Variants in DYSF observed in about 807,000 individuals in gnomAD.
DYSF encodes dysferlin.
Under a neutral mutation model 274.9 loss-of-function variants are expected in DYSF, and 212 were observed. That is an observed-to-expected ratio of 0.77 (90% CI 0.69 to 0.86). DYSF has a LOEUF of 0.86. Ranked by LOEUF, DYSF falls within the 40% of genes least tolerant of loss-of-function variation. The pLI, the probability that DYSF is intolerant of heterozygous loss-of-function variation, is 0.00. For synonymous variants in DYSF, 1,091 were observed against 1,078.7 expected, an observed-to-expected ratio of 1.01 and a Z score of -0.22; for missense variants, 2,666 against 2,783.2, an observed-to-expected ratio of 0.96 and a Z score of 0.95.
At chr2:71,462,281 C>T (rs2152633936), upstream of DYSF, among the ~76,000 whole-genome samples, 1 of 152,282 alleles carries the variant, frequency 6.6e-6, no homozygotes, top group South Asian at 2.1e-4. Flanking sequence ...GGTACAGGCA[C>T]TGGCTCTGTG....
rs11903960 is a variant in DYSF at position 71,516,246 on chromosome 2, T to C, written c.951+4T>C. The C allele has an allele frequency of 0.09, 144,559 of 1,613,410 alleles. 6,944 individuals are homozygous for C. The highest frequency in any genetic ancestry group is 0.13 in the African/African-American group (9,380 of 74,998). On this transcript the variant is annotated splice_donor_region_variant and intron_variant, in intron 9 of 55. Coordinates refer to ENST00000410020, the MANE Select transcript of DYSF (RefSeq NM_001130987.2). ...TGATGAGCCCATCTTTATCACGGTATGTCTCAGCAGTCAAAGTGTTCTCCG... is the reference window on the plus strand; with the variant it reads ...TGATGAGCCCATCTTTATCACGGTACGTCTCAGCAGTCAAAGTGTTCTCCG...
chr2:71,622,954 A>G (rs1235152564), intron 41 of DYSF, among the ~76,000 whole-genome samples: 3 of 152,220 alleles, frequency 2.0e-5, no homozygotes, highest in African/African-American at 7.2e-5. Flanking sequence ...TAGTCATGGA[A>G]GTTTAATTCT....
At chr2:71,514,845 C>A (rs777088249) in intron 7 of DYSF, among the ~76,000 whole-genome samples, 8 of 152,008 alleles carry the variant, frequency 5.3e-5, no homozygotes, top group Admixed American at 2.6e-4. Flanking sequence ...CCTTTGTTCT[C>A]TTTATGGAAA....
intron 3 of DYSF, among the ~76,000 whole-genome samples, chr2:71,500,910 C>T (rs1442493110): frequency 2.6e-5 from 4 of 152,048 alleles, no homozygotes; most frequent in Non-Finnish European, 2.9e-5. Context: ...CTCTGCCACC[C>T]CAGTTTTCTC....
At chr2:71,461,795 G>A (rs2081294372), upstream of DYSF, among the ~76,000 whole-genome samples, 1 of 152,194 alleles carries the variant, frequency 6.6e-6, no homozygotes, top group Non-Finnish European at 1.5e-5. Context: ...GGGTCAGTAA[G>A]GATGATTTAG....
intron 14 of DYSF, among the ~76,000 whole-genome samples, chr2:71,529,515 A>T (rs6713986): frequency 6.6e-6 from 1 of 152,032 alleles, no homozygotes; most frequent in Non-Finnish European, 1.5e-5. Context: ...AAGAACTCAG[A>T]GTAGTTGATG....
chr2:71,645,893 T>C (rs1346769817), intron 42 of DYSF, among the ~76,000 whole-genome samples: 1 of 151,968 alleles, frequency 6.6e-6, no homozygotes, highest in Non-Finnish European at 1.5e-5. Flanking sequence ...GTTAGACACA[T>C]AGGAAAGGCC....
chr2:71,453,837 C>G, exon 1 of DYSF: 1 of 742,566 alleles, frequency 1.3e-6, no homozygotes, highest in Non-Finnish European at 2.3e-6. Context: ...TGGCCCGTTC[C>G]CCTTTAAGAG....
rs2092944926 is a variant in DYSF at position 71,582,999 on chromosome 2, G to A, written c.3403-6594G>A. On this transcript the variant is annotated intron_variant, in intron 30 of 55. Transcript: ENST00000410020. The stretch of plus-strand genomic sequence containing the variant: ...GTTAAGGCTGCAGTGAGCTGTGATT[G>A]CGCCACTGCACTCCAGCTTGGGTGA... 2.4e-5 allele frequency among the ~76,000 whole-genome samples: 3 copies of A among 127,482 alleles called. No homozygotes were observed. In the Admixed American group the frequency reaches 3.1e-4, roughly 13 times the overall value. 83.6% of individuals were successfully genotyped at this position (127,482 alleles called of 152,430 possible). A position where few individuals can be genotyped will look rare whatever the true frequency, so the allele number is the denominator to read the frequency against.
At chr2:71,498,334 G>A (rs1014283046) in intron 3 of DYSF, among the ~76,000 whole-genome samples, 1 of 152,192 alleles carries the variant, frequency 6.6e-6, no homozygotes, top group Non-Finnish European at 1.5e-5. Flanking sequence ...AGGTGGGCAG[G>A]GGGCTAGGGA....
At chr2:71,510,356 G>A (rs893425792) in intron 4 of DYSF, among the ~76,000 whole-genome samples, 4 of 152,196 alleles carry the variant, frequency 2.6e-5, no homozygotes, top group African/African-American at 9.6e-5. Flanking sequence ...TCCCCTCCAC[G>A]GGTTGCAGGA....
At chr2:71,630,960 G>A (rs933828805) in intron 41 of DYSF, among the ~76,000 whole-genome samples, 2 of 152,162 alleles carry the variant, frequency 1.3e-5, no homozygotes, top group Non-Finnish European at 2.9e-5. Flanking sequence ...CTTCCCTGTT[G>A]AGGTGACTTT....
chr2:71,508,891 T>A (rs1006846327), intron 4 of DYSF, among the ~76,000 whole-genome samples: 1 of 152,218 alleles, frequency 6.6e-6, no homozygotes, highest in Admixed American at 6.5e-5. Flanking sequence ...GTCACTCTGC[T>A]GCCCAGGCTG....
chr2:71,569,732 A>G (rs1005925556), intron 26 of DYSF, 88 bp from the exon 27 acceptor site: 1 of 1,133,084 alleles, frequency 8.8e-7, no homozygotes. Context: ...TGAGGCTGAC[A>G]TACGCAGGGG....
At chr2:71,602,705 A>G in intron 35 of DYSF, 71 bp from the exon 36 acceptor site, 1 of 1,550,532 alleles carries the variant, frequency 6.4e-7, no homozygotes, top group Non-Finnish European at 8.8e-7. Context: ...TGATACTAAT[A>G]GAGAACTTTT....
At position 71,520,114 on chromosome 2, in the gene DYSF, A is replaced by G. The variant is rs2087093228; in HGVS notation, c.1003-64A>G. ...GGTTTTTAATGGAATCATATAATGC[A>G]CCACACTTTATTTAACGCTTTGGCG... is the stretch of plus-strand genomic sequence containing the variant. On this transcript the variant is annotated intron_variant, in intron 10 of 55. Transcript: ENST00000410020. The G allele has an allele frequency of 1.9e-6, 3 of 1,598,624 alleles. No individual in the cohort carries two copies. In the African/African-American group the frequency reaches 4.0e-5, roughly 21 times the overall value.
chr2:71,459,537 G>T (rs1398870754), intron 1 of DYSF, among the ~76,000 whole-genome samples: 3 of 152,172 alleles, frequency 2.0e-5, no homozygotes, highest in Non-Finnish European at 4.4e-5. Flanking sequence ...GTCAGTGTTA[G>T]GTGGAAAATC....
chr2:71,667,037 T>C (rs956587172), intron 47 of DYSF, among the ~76,000 whole-genome samples: 1 of 152,044 alleles, frequency 6.6e-6, no homozygotes, highest in African/African-American at 2.4e-5. Context: ...AGGCTTAGAG[T>C]TGGGAGCAGT....
At chr2:71,520,347 G>T in intron 11 of DYSF, 139 bp downstream of exon 11, 2 of 992,202 alleles carry the variant, frequency 2.0e-6, no homozygotes, top group Admixed American at 1.7e-5. Flanking sequence ...GAGAAAGCAG[G>T]TCATTCATCC....
Sources: allele counts gnomAD v4.1 joint callset (sites outside exome capture counted in the v4.1 genomes callset), GRCh38; gene constraint gnomAD v4.1.1; transcripts MANE v1.5; gene names NCBI Gene and HGNC (gene_info 2026-07-23, HGNC 2026-07-21).